Variants in CADM1 observed in about 807,000 individuals in gnomAD.
CADM1 encodes cell adhesion molecule 1.
CADM1 carries 15 observed loss-of-function variants against 53.1 expected under a neutral mutation model. The ratio of observed to expected loss-of-function variants is 0.28; its 90% CI spans 0.19 to 0.44. The LOEUF is 0.44. Among genes scored for constraint, CADM1 ranks in the 20% least tolerant of loss-of-function variants. The pLI is 1.00. For synonymous variants in CADM1, 281 were observed against 243.0 expected, an observed-to-expected ratio of 1.16 and a Z score of -1.45; for missense variants, 434 against 611.3, an observed-to-expected ratio of 0.71 and a Z score of 3.06.
At chr11:115,317,983 TAC>T (rs35753948) in intron 1 of CADM1, among the ~76,000 whole-genome samples, 52,295 of 148,980 alleles carry the variant, frequency 0.35, 10,247 homozygotes, top group Non-Finnish European at 0.47. Flanking sequence ...TATTACACAC[TAC>T]ACACACACAC....
Position 115,303,888 on chromosome 11 carries a change from G to A in CADM1, c.125-63468C>T, listed in dbSNP as rs17441796. ...TAGTTTACCATTTATATTTGAACCT[G>A]AAAAGAAGGCACAAAGGCCTCCTTC... On this transcript the variant is annotated intron_variant, in intron 1 of 11. Coordinates refer to ENST00000331581, the MANE Select transcript of CADM1 (RefSeq NM_001301043.2). Among the ~76,000 whole-genome samples, 980 of 152,142 alleles carry A rather than the reference G, an allele frequency of 6.4e-3. 7 individuals carry two copies. The highest frequency in any genetic ancestry group is 8.1e-3 in the Non-Finnish European group (553 of 67,950).
intron 1 of CADM1, among the ~76,000 whole-genome samples, chr11:115,388,576 G>A (rs1946758694): frequency 6.6e-6 from 1 of 151,976 alleles, no homozygotes; most frequent in South Asian, 2.1e-4. Context: ...GAAGGACATT[G>A]GGTACCTCTG....
chr11:115,409,776 A>C (rs1947413038), intron 1 of CADM1, among the ~76,000 whole-genome samples: 1 of 152,084 alleles, frequency 6.6e-6, no homozygotes, highest in Non-Finnish European at 1.5e-5. Context: ...TCCCAGATAT[A>C]TAGCATTAGG....
At chr11:115,307,427 G>A (rs987083105) in intron 1 of CADM1, among the ~76,000 whole-genome samples, 1 of 149,636 alleles carries the variant, frequency 6.7e-6, no homozygotes, top group African/African-American at 2.5e-5. Context: ...TTTCCTATGA[G>A]ACAAGAAGAC....
rs368096725 is a variant in CADM1, at chr11:115,217,819, G to T, written c.821+73C>A. 6 of 923,838 alleles carry T rather than the reference G, an allele frequency of 6.5e-6. No homozygotes were observed. The Admixed American group carries it at 8.5e-5, about 13-fold the overall frequency. 57.2% of individuals were successfully genotyped at this position (923,838 alleles called of 1,614,324 possible). A position where few individuals can be genotyped will look rare whatever the true frequency, so the allele number is the denominator to read the frequency against. ...GGAGACAGGTGACAGGCCAAGGACTGGTGAATGCACATGTCTGTGTTGTGA... is the reference window on the plus strand; with the variant it reads ...GGAGACAGGTGACAGGCCAAGGACTTGTGAATGCACATGTCTGTGTTGTGA... On this transcript the variant is annotated intron_variant, in intron 6 of 11. Coordinates refer to ENST00000331581, the MANE Select transcript of CADM1 (RefSeq NM_001301043.2).
At chr11:115,393,452 A>G (rs149428070) in intron 1 of CADM1, among the ~76,000 whole-genome samples, 2 of 152,080 alleles carry the variant, frequency 1.3e-5, no homozygotes, top group African/African-American at 2.4e-5. Flanking sequence ...GACTTAATAG[A>G]AAAGTTGGGA....
At chr11:115,255,186 T>C (rs1157945459) in intron 1 of CADM1, among the ~76,000 whole-genome samples, 1 of 152,336 alleles carries the variant, frequency 6.6e-6, no homozygotes, top group Non-Finnish European at 1.5e-5. Flanking sequence ...CTTGCCTCTA[T>C]AAACGTCAGT....
chr11:115,422,668 T>G (rs1417296992), intron 1 of CADM1, among the ~76,000 whole-genome samples: 1 of 152,218 alleles, frequency 6.6e-6, no homozygotes, highest in African/African-American at 2.4e-5. Flanking sequence ...CTTTTACAAG[T>G]GCAACTCTTT....
chr11:115,331,426 T>A (rs547199552), intron 1 of CADM1, among the ~76,000 whole-genome samples: 1 of 152,160 alleles, frequency 6.6e-6, no homozygotes, highest in South Asian at 2.1e-4. Context: ...TCTGTGAAGC[T>A]TGCCATCATA....
intron 1 of CADM1, among the ~76,000 whole-genome samples, chr11:115,431,768 T>C (rs1172230614): frequency 6.6e-6 from 1 of 152,084 alleles, no homozygotes; most frequent in East Asian, 1.9e-4. Flanking sequence ...CAATCTTCAC[T>C]TCCTCCACGA....
At chr11:115,472,172 G>C (rs1949028325) in intron 1 of CADM1, among the ~76,000 whole-genome samples, 1 of 152,216 alleles carries the variant, frequency 6.6e-6, no homozygotes, top group African/African-American at 2.4e-5. Context: ...TTGTGAGGAT[G>C]AGGAGAAACG....
chr11:115,350,700 T>C (rs1039453387), intron 1 of CADM1, among the ~76,000 whole-genome samples: 2 of 152,074 alleles, frequency 1.3e-5, no homozygotes, highest in Non-Finnish European at 2.9e-5. Context: ...CTGTATTTCA[T>C]GCCTTAAAAG....
intron 1 of CADM1, among the ~76,000 whole-genome samples, chr11:115,310,913 G>A (rs1200102401): frequency 6.6e-6 from 1 of 152,148 alleles, no homozygotes; most frequent in Non-Finnish European, 1.5e-5. Flanking sequence ...AAAGTCTGTG[G>A]CATCTTATCA....
At chr11:115,403,620 G>A (rs755079588) in intron 1 of CADM1, among the ~76,000 whole-genome samples, 13 of 151,748 alleles carry the variant, frequency 8.6e-5, no homozygotes, top group African/African-American at 2.7e-4. Flanking sequence ...TTCTTGAGAC[G>A]GAGTCTCCCT....
intron 10 of CADM1, among the ~76,000 whole-genome samples, chr11:115,187,035 C>T (rs955907614): frequency 1.3e-5 from 2 of 152,046 alleles, no homozygotes; most frequent in African/African-American, 2.4e-5. Context: ...AAAGATCAAA[C>T]GAAGTAATAT....
intron 1 of CADM1, among the ~76,000 whole-genome samples, chr11:115,288,971 C>A (rs551917969): frequency 6.6e-6 from 1 of 152,142 alleles, no homozygotes; most frequent in Non-Finnish European, 1.5e-5. Context: ...CCTCACACTA[C>A]CCCCAGGTTA....
intron 1 of CADM1, among the ~76,000 whole-genome samples, chr11:115,371,547 GTAAGA>G (rs904148443): frequency 3.0e-4 from 45 of 151,464 alleles, no homozygotes; most frequent in African/African-American, 1.1e-3. Context: ...AAAAGAAATA[GTAAGA>G]TAATTTAAAA....
intron 9 of CADM1, among the ~76,000 whole-genome samples, chr11:115,195,974 C>A (rs946968350): frequency 2.6e-5 from 4 of 152,180 alleles, no homozygotes. Flanking sequence ...TATCCCTCTG[C>A]CATTAAGAAG....
rs896912155 is a variant in CADM1 at position 115,175,230 on chromosome 11, T to C, written c.*1244A>G. ...AGTGTGAGAACAATACCAGCCCTTCTTTTGTACCTCCTGCCTTTGTCAAGC... is the reference window on the plus strand; with the variant it reads ...AGTGTGAGAACAATACCAGCCCTTCCTTTGTACCTCCTGCCTTTGTCAAGC... On this transcript the variant is annotated 3_prime_UTR_variant, in exon 12 of 12. Transcript: ENST00000331581. The C allele has an allele frequency of 4.1e-6, 4 of 985,736 alleles. No individual in the cohort carries two copies. The Admixed American group carries it at 2.5e-4, about 61-fold the overall frequency. The allele number at this position is 985,736 out of a possible 1,614,324, so 61.1% of individuals were successfully genotyped here.
Sources: allele counts gnomAD v4.1 joint callset (sites outside exome capture counted in the v4.1 genomes callset), GRCh38; gene constraint gnomAD v4.1.1; transcripts MANE v1.5; gene names NCBI Gene and HGNC (gene_info 2026-07-23, HGNC 2026-07-21).